SOX6: variants seen among roughly 807,000 people sequenced by gnomAD.
The protein encoded by SOX6 is SRY-box transcription factor 6.
In SOX6, 11 loss-of-function variants were observed where a neutral mutation model predicts 97.8. The observed-to-expected ratio is 0.11, with a 90% CI of 0.07 to 0.19. SOX6 has a LOEUF of 0.19. Among genes scored for constraint, SOX6 ranks in the 10% least tolerant of loss-of-function variants. The probability of loss-of-function intolerance (pLI) is 1.00; values close to 1 mark genes in which losing one functional copy is unlikely to be tolerated. For synonymous variants in SOX6, 360 were observed against 371.4 expected, an observed-to-expected ratio of 0.97 and a Z score of 0.35; for missense variants, 810 against 1,039.5, an observed-to-expected ratio of 0.78 and a Z score of 3.04.
intron 1 of SOX6, among the ~76,000 whole-genome samples, chr11:16,349,441 A>AC (rs11410902): frequency 0.99 from 150,616 of 151,910 alleles, 74,674 homozygotes; most frequent in East Asian, 1. Flanking sequence ...ACAAGGTGAA[A>AC]CCTGTCTCTA....
chr11:16,381,801 T>A lies in SOX6; in HGVS notation c.-4-40549A>T, dbSNP rs181244250. ...CCCACTCCCTCCCAAAACCCAAACA[T>A]ACACACACATACACACACAGGCAGA... On this transcript the variant is annotated intron_variant, in intron 1 of 15. Transcript: ENST00000396356. 7.5e-3 allele frequency among the ~76,000 whole-genome samples: 1,139 copies of A among 151,594 alleles called. 13 individuals are homozygous for A. Among genetic ancestry groups the A allele is most frequent in the African/African-American group, 0.026 (1,090 of 41,426 alleles).
intron 13 of SOX6, among the ~76,000 whole-genome samples, chr11:16,008,619 G>T (rs1426836689): frequency 6.6e-6 from 1 of 152,002 alleles, no homozygotes; most frequent in Non-Finnish European, 1.5e-5. Context: ...GCCCCATCAG[G>T]ACTATACATC....
At chr11:15,985,860 G>C (rs1318176138) in intron 15 of SOX6, among the ~76,000 whole-genome samples, 1 of 152,104 alleles carries the variant, frequency 6.6e-6, no homozygotes, top group Non-Finnish European at 1.5e-5. Flanking sequence ...AAAGCTTATG[G>C]GGATTTCTTA....
At chr11:16,544,068 A>G (rs1184693475) in intron 4 of SOX6, among the ~76,000 whole-genome samples, 1 of 152,202 alleles carries the variant, frequency 6.6e-6, no homozygotes, top group Non-Finnish European at 1.5e-5. Flanking sequence ...ACATGCTAAA[A>G]AAATGGATAA....
chr11:15,993,292 T>C (rs1590114972), intron 13 of SOX6, among the ~76,000 whole-genome samples: 1 of 152,180 alleles, frequency 6.6e-6, no homozygotes, highest in South Asian at 2.1e-4. Context: ...TTCTGCTCCA[T>C]TCATCATTAA....
At chr11:16,325,063 T>C (rs776259746) in intron 2 of SOX6, among the ~76,000 whole-genome samples, 1 of 152,144 alleles carries the variant, frequency 6.6e-6, no homozygotes, top group Non-Finnish European at 1.5e-5. Context: ...CAATAAAATG[T>C]TAATGGCCCT....
At chr11:16,191,082 G>A (rs1851617160) in intron 4 of SOX6, among the ~76,000 whole-genome samples, 1 of 152,092 alleles carries the variant, frequency 6.6e-6, no homozygotes, top group Non-Finnish European at 1.5e-5. Flanking sequence ...AGACATAAAG[G>A]AGCAACCAAA....
chr11:16,501,463 A>G (rs1220882658), intron 4 of SOX6, among the ~76,000 whole-genome samples: 1 of 152,202 alleles, frequency 6.6e-6, no homozygotes, highest in Non-Finnish European at 1.5e-5. Flanking sequence ...GACAAATGGG[A>G]TCTAATTAAA....
intron 1 of SOX6, among the ~76,000 whole-genome samples, chr11:16,353,563 G>C (rs2134363290): frequency 6.6e-6 from 1 of 151,984 alleles, no homozygotes; most frequent in Admixed American, 6.6e-5. Flanking sequence ...TTCTCCCTCT[G>C]TACTTCCACC....
chr11:16,653,328 C>T (rs950193785), intron 3 of SOX6, among the ~76,000 whole-genome samples: 6 of 152,130 alleles, frequency 3.9e-5, no homozygotes, highest in Non-Finnish European at 7.4e-5. Flanking sequence ...ACATTTATAG[C>T]AGCATAATTT....
chr11:16,666,524 G>A (rs916922132), intron 3 of SOX6, among the ~76,000 whole-genome samples: 5 of 152,118 alleles, frequency 3.3e-5, no homozygotes, highest in Admixed American at 6.5e-5. Context: ...ATATATAGTC[G>A]GCTGGGTGTG....
In SOX6 at chr11:15,972,808, C is replaced by T. The variant is rs1358012463; in HGVS notation, c.*1G>A. ...ACTTTAATTCAGCAAACAAAAACTC[C>T]TCAGTTGGCACTGACAGCCTCCGGG... On this transcript the variant is annotated 3_prime_UTR_variant, in exon 16 of 16. Coordinates refer to ENST00000683767, the MANE Select transcript of SOX6 (RefSeq NM_001367873.1). The T allele has an allele frequency of 3.1e-6, 5 of 1,614,034 alleles. No homozygotes were observed. Among genetic ancestry groups the T allele is most frequent in the Non-Finnish European group, 4.2e-6 (5 of 1,180,012 alleles).
At chr11:16,027,910 T>C (rs1306438844) in intron 12 of SOX6, among the ~76,000 whole-genome samples, 1 of 152,226 alleles carries the variant, frequency 6.6e-6, no homozygotes, top group Non-Finnish European at 1.5e-5. Context: ...ATCTGCTATA[T>C]CCGTTTCAAA....
At chr11:16,479,645 A>G (rs1860309895), upstream of SOX6, among the ~76,000 whole-genome samples, 1 of 152,162 alleles carries the variant, frequency 6.6e-6, no homozygotes, top group African/African-American at 2.4e-5. Flanking sequence ...CCAAATAGCC[A>G]AAGAAATGTA....
In SOX6 at chr11:16,559,792, G is replaced by A. The variant is rs75048080; in HGVS notation, n.609+52289C>T. On this transcript the variant is annotated intron_variant and non_coding_transcript_variant, in intron 4 of 5. Transcript: ENST00000524520. ...GTATTGTACCAGTCTTTCCAAAACC[G>A]TAATTTGCACAATATTTATTTGTTG... is the stretch of plus-strand genomic sequence containing the variant. Among the ~76,000 whole-genome samples the A allele has an allele frequency of 7.7e-3, 1,168 of 152,040 alleles. 16 individuals carry two copies. Among genetic ancestry groups the A allele is most frequent in the African/African-American group, 0.025 (1,049 of 41,474 alleles).
intron 3 of SOX6, among the ~76,000 whole-genome samples, chr11:16,691,828 C>T (rs1009128800): frequency 7.2e-5 from 11 of 152,046 alleles, no homozygotes; most frequent in African/African-American, 2.4e-4. Context: ...CAAAGCAAAA[C>T]ACCATCACTC....
intron 4 of SOX6, among the ~76,000 whole-genome samples, chr11:16,206,171 C>A (rs568229084): frequency 6.6e-6 from 1 of 151,806 alleles, no homozygotes; most frequent in Non-Finnish European, 1.5e-5. Flanking sequence ...TTTTCAGATG[C>A]GATATTTTTG....
chr11:16,029,233 T>G (rs1008911402), intron 12 of SOX6, among the ~76,000 whole-genome samples: 8 of 152,134 alleles, frequency 5.3e-5, no homozygotes, highest in African/African-American at 1.9e-4. Flanking sequence ...AACAAGCACA[T>G]GTTTATTCCT....
intron 1 of SOX6, among the ~76,000 whole-genome samples, chr11:16,464,261 A>ACAGTTC (rs1859986928): frequency 6.6e-6 from 1 of 152,160 alleles, no homozygotes; most frequent in Non-Finnish European, 1.5e-5. Flanking sequence ...ACTAATTCCA[A>ACAGTTC]CAGTTCCTTA....
Sources: allele counts gnomAD v4.1 joint callset (sites outside exome capture counted in the v4.1 genomes callset), GRCh38; gene constraint gnomAD v4.1.1; transcripts MANE v1.5; gene names NCBI Gene and HGNC (gene_info 2026-07-23, HGNC 2026-07-21).